Variants in NELL2 observed in about 807,000 individuals in gnomAD.
NELL2 encodes neural EGFL like 2, also known as protein kinase C-binding protein NELL2.
A neutral mutation model predicts 109.6 loss-of-function variants in NELL2; 41 were observed. The observed-to-expected ratio is 0.37, with a 90% CI of 0.29 to 0.49. NELL2 has a LOEUF of 0.49. Ranked by LOEUF, NELL2 falls within the 20% of genes least tolerant of loss-of-function variation. The pLI, the probability that NELL2 is intolerant of heterozygous loss-of-function variation, is 0.98. For missense variants in NELL2, 900 were observed against 1,008.3 expected (o/e 0.89, Z 1.45); for synonymous variants, 355 against 344.7 (o/e 1.03, Z -0.33).
chr12:44,680,326 T>C (rs1432186964), intron 12 of NELL2, among the ~76,000 whole-genome samples: 1 of 152,166 alleles, frequency 6.6e-6, no homozygotes, highest in Non-Finnish European at 1.5e-5. Context: ...AGTAGGACCT[T>C]ATAACAACTC....
intron 15 of NELL2, among the ~76,000 whole-genome samples, chr12:44,561,067 C>T (rs1592120894): frequency 6.6e-6 from 1 of 152,150 alleles, no homozygotes; most frequent in East Asian, 1.9e-4. Flanking sequence ...AAAACAGAAG[C>T]AATGACCAAA....
At chr12:44,830,754 C>G (rs1943861379) in intron 2 of NELL2, among the ~76,000 whole-genome samples, 2 of 152,026 alleles carry the variant, frequency 1.3e-5, no homozygotes, top group South Asian at 2.1e-4. Flanking sequence ...TTCCCAGCCC[C>G]ATCATGTTGG....
At position 44,513,848 on chromosome 12, in the gene NELL2, A is replaced by G. The variant is rs1473535320; in HGVS notation, c.2401-4864T>C. Among the ~76,000 whole-genome samples the G allele has an allele frequency of 2.0e-5, 3 of 151,834 alleles. No homozygotes were observed. In the East Asian group the frequency reaches 5.8e-4, roughly 29 times the overall value. ...ACTATGAGAGAAAAAAATGTGGCAG[A>G]CAAAATATGTGAAAAAACGATGGCT... On this transcript the variant is annotated intron_variant, in intron 19 of 19. Coordinates refer to ENST00000429094, the MANE Select transcript of NELL2 (RefSeq NM_001145108.2).
chr12:44,884,351 T>C (rs1307845393), intron 1 of NELL2, among the ~76,000 whole-genome samples: 1 of 151,848 alleles, frequency 6.6e-6, no homozygotes, highest in Non-Finnish European at 1.5e-5. Flanking sequence ...GAAAGAGTAA[T>C]AGAACTGAAA....
intron 3 of NELL2, among the ~76,000 whole-genome samples, chr12:44,802,763 C>A (rs1170996770): frequency 6.6e-6 from 1 of 151,804 alleles, no homozygotes; most frequent in Non-Finnish European, 1.5e-5. Flanking sequence ...GTTGATACTA[C>A]CAGAATATGA....
chr12:44,734,221 T>G (rs763349607), intron 9 of NELL2, among the ~76,000 whole-genome samples: 2 of 152,014 alleles, frequency 1.3e-5, no homozygotes, highest in Non-Finnish European at 2.9e-5. Flanking sequence ...ATTTTAAATT[T>G]TATAATTATT....
intron 9 of NELL2, among the ~76,000 whole-genome samples, chr12:44,744,755 A>C (rs1940222683): frequency 1.3e-5 from 2 of 152,254 alleles, no homozygotes; most frequent in Non-Finnish European, 2.9e-5. Context: ...TAAACCAGGA[A>C]GAAGTTGAAT....
At chr12:44,665,177 A>T (rs372788964) in intron 13 of NELL2, among the ~76,000 whole-genome samples, 13 of 152,154 alleles carry the variant, frequency 8.5e-5, no homozygotes, top group East Asian at 5.8e-4. Flanking sequence ...TCATTTAGGG[A>T]CTGTTTCTCA....
At position 44,816,132 on chromosome 12, in the gene NELL2, A is replaced by G; in HGVS notation, c.189T>C (p.Thr63=). 1.3e-6 allele frequency: 2 copies of G among 1,589,858 alleles called. No individual in the cohort carries two copies. The highest frequency in any genetic ancestry group is 1.7e-6 in the Non-Finnish European group (2 of 1,172,082). Residue 63 remains threonine (T), a synonymous_variant, in exon 3 of 20, where the codon ACT becomes ACC. Transcript: ENST00000429094. ...NGTKAFLFQD[T]PRSIKASTAT... Reference sequence around the variant, plus strand: ...CAGTGGATGCTTTTATGCTTCTGGGAGTATCTAAAAAAGAAACAAACATAT... The same window carrying G: ...CAGTGGATGCTTTTATGCTTCTGGGGGTATCTAAAAAAGAAACAAACATAT...
chr12:44,758,908 C>T (rs1941005957), intron 9 of NELL2, among the ~76,000 whole-genome samples: 1 of 152,078 alleles, frequency 6.6e-6, no homozygotes, highest in Admixed American at 6.6e-5. Context: ...AAACACTGCC[C>T]CAAAAGTAAA....
In NELL2 at chr12:44,524,774, G is replaced by T. The variant is rs760675823; in HGVS notation, c.1805-1290C>A. Among the ~76,000 whole-genome samples, 11 of 152,172 alleles carry T rather than the reference G, an allele frequency of 7.2e-5. No homozygotes were observed. In the East Asian group the frequency reaches 1.7e-3, roughly 24 times the overall value. On this transcript the variant is annotated intron_variant, in intron 16 of 19. Coordinates refer to ENST00000429094, the MANE Select transcript of NELL2 (RefSeq NM_001145108.2). Reference sequence around the variant, plus strand: ...GTGATTACAGAGCTTTATTAAGCTTGATTTGTTAAGGATAATATTACTTAT... The same window carrying T: ...GTGATTACAGAGCTTTATTAAGCTTTATTTGTTAAGGATAATATTACTTAT...
chr12:44,611,940 A>T (rs1419316789), intron 13 of NELL2, among the ~76,000 whole-genome samples: 1 of 152,112 alleles, frequency 6.6e-6, no homozygotes, highest in Non-Finnish European at 1.5e-5. Context: ...AAATCCCTAC[A>T]GTGGCACTAC....
intron 13 of NELL2, among the ~76,000 whole-genome samples, chr12:44,625,404 A>G (rs1946218613): frequency 6.6e-6 from 1 of 152,122 alleles, no homozygotes; most frequent in African/African-American, 2.4e-5. Flanking sequence ...TCCAAGTAAA[A>G]ACAATATATA....
At chr12:44,689,123 T>C (rs1252490782) in intron 12 of NELL2, among the ~76,000 whole-genome samples, 1 of 152,188 alleles carries the variant, frequency 6.6e-6, no homozygotes, top group Non-Finnish European at 1.5e-5. Flanking sequence ...TCGGTGTTCC[T>C]ATGAGTTCAG....
chr12:44,673,333 T>C (rs1948207211), intron 12 of NELL2, among the ~76,000 whole-genome samples: 2 of 152,192 alleles, frequency 1.3e-5, no homozygotes, highest in South Asian at 2.1e-4. Context: ...CAAATCCCAA[T>C]TCAAAAACCT....
intron 2 of NELL2, among the ~76,000 whole-genome samples, chr12:44,845,227 C>G (rs942502587): frequency 5.3e-5 from 8 of 152,128 alleles, no homozygotes; most frequent in Admixed American, 1.3e-4. Context: ...CAAGACTTTC[C>G]CCATCACAAA....
chr12:44,712,547 G>A (rs1481682072), intron 10 of NELL2, among the ~76,000 whole-genome samples: 2 of 151,910 alleles, frequency 1.3e-5, no homozygotes, highest in African/African-American at 2.4e-5. Flanking sequence ...ACAGGGACTC[G>A]AATTGACAGC....
intron 5 of NELL2, among the ~76,000 whole-genome samples, chr12:44,778,795 C>T (rs1941846430): frequency 6.6e-6 from 1 of 152,178 alleles, no homozygotes; most frequent in Non-Finnish European, 1.5e-5. Context: ...AGCAAGGCTA[C>T]TATTAGATGG....
rs1452907003 is a variant in NELL2, at chr12:44,713,215, C to CACACACAG, written c.1086+1434_1086+1435insCTGTGTGT. Among the ~76,000 whole-genome samples, 10 of 143,304 alleles carry CACACACAG rather than the reference C, an allele frequency of 7.0e-5. No individual in the cohort carries two copies. In the South Asian group the frequency reaches 1.6e-3, roughly 22 times the overall value. The allele number at this position is 143,304 out of a possible 152,430, so 94.0% of individuals were successfully genotyped here. ...ACACACACACACACACACACACACA[C>CACACACAG]AGAGAGAGACAGAGAGAGAGAGAGA... On this transcript the variant is annotated intron_variant, in intron 10 of 19. Coordinates refer to ENST00000429094, the MANE Select transcript of NELL2 (RefSeq NM_001145108.2).
Sources: allele counts gnomAD v4.1 joint callset (sites outside exome capture counted in the v4.1 genomes callset), GRCh38; gene constraint gnomAD v4.1.1; transcripts MANE v1.5; gene names NCBI Gene and HGNC (gene_info 2026-07-23, HGNC 2026-07-21).